The following AHNAK2 variants were observed in gnomAD, a reference collection of about 807,000 sequenced individuals.
AHNAK2 encodes the protein protein AHNAK2.
In AHNAK2, 18 loss-of-function variants were observed where a neutral mutation model predicts 30.7. The ratio of observed to expected loss-of-function variants is 0.59; its 90% confidence interval spans 0.41 to 0.87. The LOEUF (loss-of-function observed/expected upper bound fraction) is 0.87. Ranked by LOEUF, AHNAK2 falls within the 40% of genes least tolerant of loss-of-function variation. The pLI is 0.00. For synonymous variants in AHNAK2, 3,590 were observed against 3,073.8 expected (o/e 1.17, Z -5.56); for missense variants, 8,604 against 7,373.0 (o/e 1.17, Z -6.11).
At position 104,944,978 on chromosome 14, in the gene AHNAK2, G is replaced by A; in HGVS notation, c.10473C>T (p.Ser3491=). ...PSFGVSAPGR[S]IEASLDVSAP... is the part of the protein sequence containing the mutation. ...CAGACACATCCAGCGAGGCCTCGATGGACCTGCCTGGGGCCGACACCCCGA... is the reference window on the plus strand; with the variant it reads ...CAGACACATCCAGCGAGGCCTCGATAGACCTGCCTGGGGCCGACACCCCGA... Residue 3491 remains serine, a synonymous_variant, in exon 7 of 7, where the codon TCC becomes TCT. Transcript: ENST00000333244. The A allele has an allele frequency of 6.2e-7, 1 of 1,613,018 alleles. No homozygotes were observed. The highest frequency in any genetic ancestry group is 8.5e-7 in the Non-Finnish European group (1 of 1,179,594).
chr14:104,943,352 G>A lies in AHNAK2; in HGVS notation c.12099C>T (p.Asp4033=), dbSNP rs201835416. The change falls in exon 7 of 7, where the codon GAC becomes GAT. Residue 4033 remains aspartate (D), a synonymous_variant. Transcript: ENST00000333244. The part of the protein sequence containing the change: ...ADLEVQAGQV[D]VKLPEGPVPE... Reference sequence around the variant, plus strand: ...GCACGGGGCCCTCTGGGAGTTTCACGTCCACTTGGCCAGCCTGGACCTCCA... The same window carrying A: ...GCACGGGGCCCTCTGGGAGTTTCACATCCACTTGGCCAGCCTGGACCTCCA... 1.8e-4 allele frequency: 283 copies of A among 1,612,508 alleles called. 2 individuals carry two copies. The highest frequency in any genetic ancestry group is 6.6e-4 in the Middle Eastern group (4 of 6,068).
chr14:104,941,143 A>G lies in AHNAK2; in HGVS notation c.14308T>C (p.Ser4770Pro). ...TGAGGACCAGTGAGATCAAGCCGGG[A>G]TGATGGAAACCCAGCAAAACCCACC... ...PKVGFAGFPS[S>P]RLDLTGPHFE... The change falls in exon 7 of 7, where the codon TCC becomes CCC. Residue 4770 changes from serine to proline, a missense_variant. Coordinates refer to ENST00000333244, the MANE Select transcript of AHNAK2 (RefSeq NM_138420.4). The G allele has an allele frequency of 6.2e-7, 1 of 1,613,630 alleles. No individual in the cohort carries two copies. Among genetic ancestry groups the G allele is most frequent in the Non-Finnish European group, 8.5e-7 (1 of 1,179,892 alleles).
chr14:104,951,245 G>C lies in AHNAK2; in HGVS notation c.4206C>G (p.Pro1402=), dbSNP rs753727743. ...LDVKLPEGPV[P]EGAGLKGHLP... ...GGTGCCCTTTGAGGCCGGCTCCCTC[G>C]GGCACGGGGCCCTCTGGGAGTTTCA... The change falls in exon 7 of 7, where the codon CCC becomes CCG. Residue 1402 remains proline (P), a synonymous_variant. Coordinates refer to ENST00000333244, the MANE Select transcript of AHNAK2 (RefSeq NM_138420.4). The C allele has an allele frequency of 2.6e-5, 27 of 1,057,034 alleles. 8 individuals carry two copies. Among genetic ancestry groups the C allele is most frequent in the Admixed American group, 1.1e-4 (5 of 46,152 alleles). The allele number at this position is 1,057,034 out of a possible 1,614,324, so 65.5% of individuals were successfully genotyped here.
rs529616676 is a variant in AHNAK2 at position 104,951,797 on chromosome 14, A to G, written c.3654T>C (p.Ala1218=). The change falls in exon 7 of 7, where the codon GCT becomes GCC. Residue 1218 remains alanine (A), a synonymous_variant. Coordinates refer to ENST00000333244, the MANE Select transcript of AHNAK2 (RefSeq NM_138420.4). ...CCTGGCCAGCGTGGACCTCCAGGTC[A>G]GCGGAAGGGGGCTGAATGCTGAGGT... ...TTDLSIQPPS[A]DLEVHAGQVD... 4.3e-3 allele frequency: 5,447 copies of G among 1,274,380 alleles called. 158 individuals carry two copies. The highest frequency in any genetic ancestry group is 0.036 in the African/African-American group (2,090 of 57,354). The allele number at this position is 1,274,380 out of a possible 1,614,324, so 78.9% of individuals were successfully genotyped here. A position where few individuals can be genotyped will look rare whatever the true frequency, so the allele number is the denominator to read the frequency against.
chr14:104,944,991 G>A lies in AHNAK2; in HGVS notation c.10460C>T (p.Ala3487Val). The stretch of plus-strand genomic sequence containing the variant: ...CGAGGCCTCGATGGACCTGCCTGGG[G>A]CCGACACCCCGAAGGAGGGCATCTT... ...KFKMPSFGVSAPGRSIEASLD... is the reference protein window; with the variant it reads ...KFKMPSFGVSVPGRSIEASLD... Residue 3487 changes from alanine to valine, a missense_variant, in exon 7 of 7, where the codon GCC (alanine) becomes GTC (valine). Coordinates refer to ENST00000333244, the MANE Select transcript of AHNAK2 (RefSeq NM_138420.4). 2 of 1,612,928 alleles carry A rather than the reference G, an allele frequency of 1.2e-6. No individual in the cohort carries two copies. The highest frequency in any genetic ancestry group is 1.7e-6 in the Non-Finnish European group (2 of 1,179,548).
At position 104,947,597 on chromosome 14, in the gene AHNAK2, G is replaced by C. The variant is rs1300026265; in HGVS notation, c.7854C>G (p.Val2618=). ...CATCCAGCTTTGCTCTCGGGGCCTG[G>C]ACGTCCACCTCCATGCTGGACAGAG... ...EMSLSSMEVD[V]QAPRAKLDGA... Residue 2618 remains valine (V), a synonymous_variant, in exon 7 of 7, where the codon GTC becomes GTG. Coordinates refer to ENST00000333244, the MANE Select transcript of AHNAK2 (RefSeq NM_138420.4). The C allele has an allele frequency of 4.3e-6, 7 of 1,612,784 alleles. No homozygotes were observed. In the African/African-American group the frequency reaches 6.7e-5, roughly 15 times the overall value.
intron 1 of AHNAK2, among the ~76,000 whole-genome samples, chr14:104,969,808 C>A (rs893982923): frequency 4.6e-5 from 7 of 152,180 alleles, no homozygotes; most frequent in Admixed American, 3.3e-4. Context: ...CCATCCCAGG[C>A]GGGCTAGCCT....
chr14:104,950,849 C>T lies in AHNAK2; in HGVS notation c.4602G>A (p.Gly1534=), dbSNP rs1898653730. 1.3e-6 allele frequency: 2 copies of T among 1,585,226 alleles called. No homozygotes were observed. The highest frequency in any genetic ancestry group is 1.4e-5 in the African/African-American group (1 of 73,686). ...TGCTCAGGTCAGTGGCCTTGAGGTC[C>T]CCCTGCATGGAGGGGAGGCTCACGT... ...EADVSLPSMQ[G]DLKATDLSIQ... is the part of the protein sequence containing the mutation. The change falls in exon 7 of 7, where the codon GGG becomes GGA. Residue 1534 remains glycine (G), a synonymous_variant. Coordinates refer to ENST00000333244, the MANE Select transcript of AHNAK2 (RefSeq NM_138420.4).
In AHNAK2 at chr14:104,941,693, A is replaced by G. The variant is rs9671643; in HGVS notation, c.13758T>C (p.Asp4586=). 0.54 allele frequency: 875,040 copies of G among 1,613,122 alleles called. 240,119 individuals are homozygous for G. Among genetic ancestry groups the G allele is most frequent in the Middle Eastern group, 0.67 (4,077 of 6,058 alleles). The change falls in exon 7 of 7, where the codon GAT becomes GAC. Residue 4586 remains aspartate, a synonymous_variant. Transcript: ENST00000333244. The part of the protein sequence containing the change: ...KGPKAEVMAP[D]VEVSLPSVET... ...CCACGCTGGGCAGAGACACCTCCAC[A>G]TCGGGGGCCATCACCTCTGCCTTTG...
chr14:104,944,017 A>T lies in AHNAK2; in HGVS notation c.11434T>A (p.Ser3812Thr), dbSNP rs1331748810. The change falls in exon 7 of 7, where the codon TCA becomes ACA. Residue 3812 changes from serine (S) to threonine (T), a missense_variant. Ser to Thr is a moderately conservative substitution (Grantham distance 58, BLOSUM62 1). Coordinates refer to ENST00000333244, the MANE Select transcript of AHNAK2 (RefSeq NM_138420.4). Reference sequence around the variant, plus strand: ...TTGCCTGGGGCAGACACCCCAAATGACGGCATCTTGAACTTGGGCATTTTG... The same window carrying T: ...TTGCCTGGGGCAGACACCCCAAATGTCGGCATCTTGAACTTGGGCATTTTG... ...KFKMPKFKMP[S>T]FGVSAPGKSI... 1.2e-6 allele frequency: 2 copies of T among 1,612,246 alleles called. No homozygotes were observed. Among genetic ancestry groups the T allele is most frequent in the African/African-American group, 2.7e-5 (2 of 74,522 alleles).
chr14:104,953,961 G>C lies in AHNAK2; in HGVS notation c.1490C>G (p.Ser497Cys), dbSNP rs1898886614. Reference sequence around the variant, plus strand: ...TTCTCTTTCTGGCTCTTTTTCTGTGGAAAATGCAAATTTTGGTGTCTTTAA... The same window carrying C: ...TTCTCTTTCTGGCTCTTTTTCTGTGCAAAATGCAAATTTTGGTGTCTTTAA... ...HDLKTPKFAF[S>C]TEKEPERERR... Residue 497 changes from serine (S) to cysteine (C), a missense_variant, in exon 7 of 7, where the codon TCC (serine) becomes TGC (cysteine). By Grantham distance (112) the Ser-to-Cys change is moderately radical (BLOSUM62 -1). Transcript: ENST00000333244. 4 of 1,613,868 alleles carry C rather than the reference G, an allele frequency of 2.5e-6. No homozygotes were observed. The highest frequency in any genetic ancestry group is 2.7e-5 in the African/African-American group (2 of 75,010).
chr14:104,938,861 C>A lies in AHNAK2; in HGVS notation c.16590G>T (p.Thr5530=), dbSNP rs776161477. The A allele has an allele frequency of 2.5e-6, 4 of 1,613,730 alleles. No individual in the cohort carries two copies. In the African/African-American group the frequency reaches 4.0e-5, roughly 16 times the overall value. ...LLKVKIPEPH[T]QARVYTTMTQ... is the part of the protein sequence containing the mutation. Reference sequence around the variant, plus strand: ...TCATTGTTGTGTACACTCTAGCCTGCGTGTGGGGCTCTGGGATTTTCACTT... The same window carrying A: ...TCATTGTTGTGTACACTCTAGCCTGAGTGTGGGGCTCTGGGATTTTCACTT... Residue 5530 remains threonine (T), a synonymous_variant, in exon 7 of 7, where the codon ACG becomes ACT. Coordinates refer to ENST00000333244, the MANE Select transcript of AHNAK2 (RefSeq NM_138420.4).
rs373484776 is a variant in AHNAK2 at position 104,945,942 on chromosome 14, G to A, written c.9509C>T (p.Ala3170Val). Residue 3170 changes from alanine (A) to valine (V), a missense_variant, in exon 7 of 7, where the codon GCG becomes GTG. Ala to Val is a moderately conservative substitution (Grantham distance 64). Coordinates refer to ENST00000333244, the MANE Select transcript of AHNAK2 (RefSeq NM_138420.4). ...KSIEVLVDVS[A>V]PKVEADLSLP... is the part of the protein sequence containing the mutation. ...GCTCAGGTCGGCCTCCACCTTTGGC[G>A]CAGACACATCCACCAAGACCTCAAT... The A allele has an allele frequency of 8.4e-5, 105 of 1,249,410 alleles. 30 individuals carry two copies. Among genetic ancestry groups the A allele is most frequent in the South Asian group, 4.6e-4 (33 of 72,304 alleles). The allele number at this position is 1,249,410 out of a possible 1,614,324, so 77.4% of individuals were successfully genotyped here. A position where few individuals can be genotyped will look rare whatever the true frequency, so the allele number is the denominator to read the frequency against.
In AHNAK2 at chr14:104,946,406, G is replaced by T. The variant is rs767139758; in HGVS notation, c.9045C>A (p.Pro3015=). ...APKVEAEVSL[P]SMQGDLKTTD... ...TGGTCTTCAGGTCCCCCTGCATGGA[G>T]GGGAGGCTCACTTCGGCCTCCACCT... is the stretch of plus-strand genomic sequence containing the variant. The change falls in exon 7 of 7, where the codon CCC becomes CCA. Residue 3015 remains proline, a synonymous_variant. Coordinates refer to ENST00000333244, the MANE Select transcript of AHNAK2 (RefSeq NM_138420.4). 1 of 1,612,784 alleles carries T rather than the reference G, an allele frequency of 6.2e-7. No homozygotes were observed. Among genetic ancestry groups the T allele is most frequent in the South Asian group, 1.1e-5 (1 of 91,020 alleles).
chr14:104,970,849 C>A (rs1439252854), intron 1 of AHNAK2, among the ~76,000 whole-genome samples: 2 of 152,126 alleles, frequency 1.3e-5, no homozygotes, highest in Non-Finnish European at 2.9e-5. Flanking sequence ...AGGCAGGTCC[C>A]TCCTAGGCAG....
rs768924347 is a variant in AHNAK2, at chr14:104,947,051, G to T, written c.8400C>A (p.Ser2800=). The T allele has an allele frequency of 1.2e-6, 2 of 1,612,226 alleles. No individual in the cohort carries two copies. The highest frequency in any genetic ancestry group is 4.5e-5 in the East Asian group (2 of 44,704). ...LDGARLEGDL[S]LADKGMTAKD... ...TGGCTGTCATGCCCTTGTCGGCCAG[G>T]GACAGGTCCCCCTCCAGCCGCGCAC... The change falls in exon 7 of 7, where the codon TCC becomes TCA. Residue 2800 remains serine (S), a synonymous_variant. Transcript: ENST00000333244.
Position 104,952,546 on chromosome 14 carries a change from G to A in AHNAK2, c.2905C>T (p.Gln969Ter). The change falls in exon 7 of 7, where the codon CAG (glutamine) becomes TAG (stop). Residue 969 changes from glutamine to a stop codon, truncating the protein, a stop_gained. Coordinates refer to ENST00000333244, the MANE Select transcript of AHNAK2 (RefSeq NM_138420.4). LOFTEE classifies it low-confidence loss of function (END_TRUNC). ...VSLPSMEVDV[Q>*]AQKAKLDGAW... ...CCATCCAGCTTGGCCTTCTGGGCCT[G>A]GACATCCACCTCCATGCTGGGCAGA... 1.2e-6 allele frequency: 2 copies of A among 1,612,424 alleles called. No individual in the cohort carries two copies. Among genetic ancestry groups the A allele is most frequent in the African/African-American group, 1.3e-5 (1 of 74,318 alleles).
Position 104,946,512 on chromosome 14 carries a change from A to G in AHNAK2, c.8939T>C (p.Met2980Thr), listed in dbSNP as rs1300251123. 2.5e-6 allele frequency: 4 copies of G among 1,610,744 alleles called. No individual in the cohort carries two copies. The African/African-American group carries it at 4.1e-5, about 16-fold the overall frequency. Residue 2980 changes from methionine to threonine, a missense_variant, in exon 7 of 7, where the codon ATG (methionine) becomes ACG (threonine). Physicochemically the swap from Met to Thr is moderately conservative, Grantham distance 81 (BLOSUM62 -1). Coordinates refer to ENST00000333244, the MANE Select transcript of AHNAK2 (RefSeq NM_138420.4). The stretch of plus-strand genomic sequence containing the variant: ...GAACGACGGCATCTTGAACTTGGGC[A>G]TTTTGAACTTGCTGTCTTTGGCAGT... Reference protein sequence around the residue: ...DVTAKDSKFKMPKFKMPSFGV... With the variant: ...DVTAKDSKFKTPKFKMPSFGV...
chr14:104,960,391 T>C (rs964372719), intron 1 of AHNAK2, among the ~76,000 whole-genome samples: 3 of 151,878 alleles, frequency 2.0e-5, no homozygotes, highest in Non-Finnish European at 4.4e-5. Context: ...GCTATTTACA[T>C]AGCATTTACA....
Sources: gnomAD v4.1 joint callset for allele counts (sites outside exome capture counted in the v4.1 genomes callset) on GRCh38, gnomAD v4.1.1 for gene constraint, MANE v1.5 for transcripts, NCBI Gene and HGNC (gene_info 2026-07-23, HGNC 2026-07-21) for gene names.